Variants in WARS2 observed in about 807,000 individuals in gnomAD.
WARS2 encodes the protein tryptophanyl tRNA synthetase 2, mitochondrial.
Under a neutral mutation model 36.5 loss-of-function variants are expected in WARS2, and 28 were observed. The ratio of observed to expected loss-of-function variants is 0.77; its 90% CI spans 0.57 to 1.05. The LOEUF is 1.05. WARS2 is among the 50% of genes least tolerant of loss of function. The pLI, the probability that WARS2 is intolerant of heterozygous loss-of-function variation, is 0.00. For missense variants in WARS2, 435 were observed against 456.8 expected (o/e 0.95, Z 0.44); for synonymous variants, 174 against 178.4 (o/e 0.98, Z 0.20).
In WARS2 at chr1:119,115,282, A is replaced by C. The variant is rs587753475; in HGVS notation, c.90+25273T>G. Among the ~76,000 whole-genome samples, 31 of 152,300 alleles carry C rather than the reference A, an allele frequency of 2.0e-4. 2 individuals are homozygous for C. The Middle Eastern group carries it at 0.01, about 50-fold the overall frequency. On this transcript the variant is annotated intron_variant, in intron 1 of 5. Coordinates refer to ENST00000235521, the MANE Select transcript of WARS2 (RefSeq NM_015836.4). Reference sequence around the variant, plus strand: ...CAGTTGTGGCAATCGAGCTTTGCCCAATTAAAATATGGTCTTTTTTTGAAG... The same window carrying C: ...CAGTTGTGGCAATCGAGCTTTGCCCCATTAAAATATGGTCTTTTTTTGAAG...
chr1:119,113,450 TTG>T (rs1363211695), intron 1 of WARS2, among the ~76,000 whole-genome samples: 2 of 152,148 alleles, frequency 1.3e-5, no homozygotes, highest in African/African-American at 4.8e-5. Flanking sequence ...CAGAAAGGGT[TTG>T]TGTCACCCCA....
At chr1:119,100,858 G>A (rs587640725) in intron 1 of WARS2, among the ~76,000 whole-genome samples, 98 of 152,194 alleles carry the variant, frequency 6.4e-4, no homozygotes, top group African/African-American at 2.3e-3. Flanking sequence ...GGTTGGTCTC[G>A]AACTCCTGGG....
chr1:119,067,797 G>A (rs955747935), intron 2 of WARS2, among the ~76,000 whole-genome samples: 13 of 151,918 alleles, frequency 8.6e-5, no homozygotes, highest in African/African-American at 2.9e-4. Flanking sequence ...AGTATGTCTG[G>A]CTTCAAAGCC....
chr1:119,068,562 C>T (rs555899581), intron 2 of WARS2, among the ~76,000 whole-genome samples: 1 of 152,256 alleles, frequency 6.6e-6, no homozygotes, highest in East Asian at 1.9e-4. Context: ...TCTGGTGGCC[C>T]CAACTGTCCT....
chr1:119,075,529 A>G (rs1305051169), intron 2 of WARS2, among the ~76,000 whole-genome samples: 1 of 152,232 alleles, frequency 6.6e-6, no homozygotes, highest in Non-Finnish European at 1.5e-5. Flanking sequence ...ATAACAAAAC[A>G]TATATAAAAA....
intron 1 of WARS2, among the ~76,000 whole-genome samples, chr1:119,135,753 GAGAGAT>G (rs1427406696): frequency 6.0e-5 from 5 of 83,908 alleles, no homozygotes; most frequent in Admixed American, 1.6e-4. Context: ...TAGATAGATA[GAGAGAT>G]AGAGAGAGAG....
rs587621188 is a variant in WARS2 at position 119,087,746 on chromosome 1, G to T, written c.91-11139C>A. ...TAGTTAGATTGTATGATTACTTTGAGGTGGAGTAACAGGTTAAACATCCTC... is the reference window on the plus strand; with the variant it reads ...TAGTTAGATTGTATGATTACTTTGATGTGGAGTAACAGGTTAAACATCCTC... On this transcript the variant is annotated intron_variant, in intron 1 of 5. Transcript: ENST00000235521. 5.9e-5 allele frequency among the ~76,000 whole-genome samples: 9 copies of T among 152,308 alleles called. No individual in the cohort carries two copies. The East Asian group carries it at 1.2e-3, about 20-fold the overall frequency.
At chr1:119,039,316 G>A (rs1051565025) in intron 4 of WARS2, among the ~76,000 whole-genome samples, 2 of 151,956 alleles carry the variant, frequency 1.3e-5, no homozygotes, top group African/African-American at 2.4e-5. Flanking sequence ...ACTATTTGTT[G>A]TTGTTTAATA....
intron 1 of WARS2, among the ~76,000 whole-genome samples, chr1:119,137,485 C>G (rs1000608605): frequency 6.6e-6 from 1 of 152,144 alleles, no homozygotes; most frequent in African/African-American, 2.4e-5. Context: ...AATGTGGACA[C>G]TTTATCATAC....
At chr1:119,114,480 T>C (rs587670941) in intron 1 of WARS2, among the ~76,000 whole-genome samples, 3 of 152,246 alleles carry the variant, frequency 2.0e-5, no homozygotes, top group South Asian at 4.1e-4. Flanking sequence ...GAGGAGAAGA[T>C]AGGAGTACTG....
chr1:119,067,881 C>T (rs1255086812), intron 2 of WARS2, among the ~76,000 whole-genome samples: 2 of 151,968 alleles, frequency 1.3e-5, no homozygotes, highest in Non-Finnish European at 2.9e-5. Context: ...TAACCTATCA[C>T]CTGTTCCTAT....
chr1:119,135,474 T>A (rs1158888443), intron 1 of WARS2, among the ~76,000 whole-genome samples: 1 of 152,220 alleles, frequency 6.6e-6, no homozygotes, highest in African/African-American at 2.4e-5. Context: ...TAGGCAAGAC[T>A]AGGTTTGAAC....
At chr1:119,082,491 A>G in intron 1 of WARS2, 1 of 977,862 alleles carries the variant, frequency 1.0e-6, no homozygotes, top group South Asian at 4.7e-5. Context: ...AGGGAAGGAC[A>G]CTGCTAAGTT....
chr1:119,128,000 CT>C (rs1655796089), intron 1 of WARS2, among the ~76,000 whole-genome samples: 1 of 152,174 alleles, frequency 6.6e-6, no homozygotes, highest in South Asian at 2.1e-4. Flanking sequence ...ACCTTCTGCA[CT>C]AATAACTCTT....
rs1571255140 is a variant in WARS2 at position 119,038,044 on chromosome 1, A to G, written c.516-3831T>C. Among the ~76,000 whole-genome samples, 3 of 152,302 alleles carry G rather than the reference A, an allele frequency of 2.0e-5. No homozygotes were observed. In the East Asian group the frequency reaches 5.8e-4, roughly 29 times the overall value. ...TAAAATGTACAAATAGCTTCCTGTT[A>G]CTTTTTAGAGAGTGTACTGGATTAT... On this transcript the variant is annotated intron_variant, in intron 4 of 5. Coordinates refer to ENST00000235521, the MANE Select transcript of WARS2 (RefSeq NM_015836.4).
chr1:119,047,923 T>C (rs1318201959), intron 2 of WARS2, among the ~76,000 whole-genome samples: 1 of 152,220 alleles, frequency 6.6e-6, no homozygotes, highest in African/African-American at 2.4e-5. Flanking sequence ...AAAAGGTGCA[T>C]TCTTCAGTTG....
At position 119,034,110 on chromosome 1, in the gene WARS2, G is replaced by T; in HGVS notation, c.619C>A (p.Pro207Thr). ...TCTTACTTACTGAGAATGGACTCGGGCACTGGAAAGAACTCCCCATACTTC... is the reference window on the plus strand; with the variant it reads ...TCTTACTTACTGAGAATGGACTCGGTCACTGGAAAGAACTCCCCATACTTC... The part of the protein sequence containing the change: ...NKKYGEFFPV[P>T]ESILTSMKKV... The change falls in exon 5 of 6, where the codon CCC becomes ACC. Residue 207 changes from proline to threonine, a missense_variant. Physicochemically the swap from Pro to Thr is conservative, Grantham distance 38. Transcript: ENST00000235521. 6.2e-7 allele frequency: 1 copy of T among 1,613,550 alleles called. No individual in the cohort carries two copies. Among genetic ancestry groups the T allele is most frequent in the Non-Finnish European group, 8.5e-7 (1 of 1,179,560 alleles).
At position 119,031,994 on chromosome 1, in the gene WARS2, T is replaced by C. The variant is rs913741676; in HGVS notation, c.*917A>G. On this transcript the variant is annotated 3_prime_UTR_variant, in exon 6 of 6. Transcript: ENST00000235521. ...ACCTTCAAAATCAGAATGTTTAGAGTCTAAAAAACGCTGCCTTTCAGCATT... is the reference window on the plus strand; with the variant it reads ...ACCTTCAAAATCAGAATGTTTAGAGCCTAAAAAACGCTGCCTTTCAGCATT... 1 of 153,006 alleles carries C rather than the reference T, an allele frequency of 6.5e-6. No homozygotes were observed. The highest frequency in any genetic ancestry group is 2.4e-5 in the African/African-American group (1 of 41,414). 9.5% of individuals were successfully genotyped at this position (153,006 alleles called of 1,614,324 possible). A position where few individuals can be genotyped will look rare whatever the true frequency, so the allele number is the denominator to read the frequency against.
rs761800862 is a variant in WARS2 at position 119,131,458 on chromosome 1, G to GTTTT, written c.90+9093_90+9096dup. Among the ~76,000 whole-genome samples, 62 of 134,282 alleles carry GTTTT rather than the reference G, an allele frequency of 4.6e-4. 6 individuals carry two copies. Among genetic ancestry groups the GTTTT allele is most frequent in the African/African-American group, 6.4e-4 (22 of 34,130 alleles). 88.1% of individuals were successfully genotyped at this position (134,282 alleles called of 152,430 possible). On this transcript the variant is annotated intron_variant, in intron 1 of 5. Transcript: ENST00000235521. ...GGATCCGGACTGTGCAAAGTTTTTTGTTTTTTGTTTTTTTTTTTTTTGAGA... is the reference window on the plus strand; with the variant it reads ...GGATCCGGACTGTGCAAAGTTTTTTGTTTTTTTTTTGTTTTTTTTTTTTTTGAGA...
Sources: allele counts gnomAD v4.1 joint callset (sites outside exome capture counted in the v4.1 genomes callset), GRCh38; gene constraint gnomAD v4.1.1; transcripts MANE v1.5; gene names NCBI Gene and HGNC (gene_info 2026-07-23, HGNC 2026-07-21).